The following RASGRP3 variants were observed in gnomAD, a reference collection of about 807,000 sequenced individuals.
RASGRP3 encodes ras guanyl-releasing protein 3.
A neutral mutation model predicts 82.7 loss-of-function variants in RASGRP3; 54 were observed. That is an observed-to-expected ratio of 0.65 (90% CI 0.52 to 0.82). RASGRP3 has a LOEUF of 0.82. Ranked by LOEUF, RASGRP3 falls within the 40% of genes least tolerant of loss-of-function variation. The pLI is 0.00. For synonymous variants in RASGRP3, 309 were observed against 300.5 expected, an observed-to-expected ratio of 1.03 and a Z score of -0.29; for missense variants, 861 against 828.9, an observed-to-expected ratio of 1.04 and a Z score of -0.48.
intron 1 of RASGRP3, among the ~76,000 whole-genome samples, chr2:33,488,894 C>CA (rs1668618117): frequency 6.6e-6 from 1 of 151,898 alleles, no homozygotes; most frequent in East Asian, 1.9e-4. Context: ...AATAGCCAGG[C>CA]ATTTGCCTAC....
intron 2 of RASGRP3, chr2:33,458,009 T>C (rs1446045240): frequency 6.6e-6 from 1 of 152,188 alleles, no homozygotes; most frequent in Admixed American, 6.5e-5. Context: ...AGGAGCTATT[T>C]ATAGCAGGTG....
intron 1 of RASGRP3, among the ~76,000 whole-genome samples, chr2:33,497,209 G>T (rs1280630813): frequency 6.6e-6 from 1 of 152,180 alleles, no homozygotes; most frequent in Admixed American, 6.5e-5. Context: ...ATGATTAATA[G>T]TTAAAGGGTG....
rs75866794 is a variant in RASGRP3 at position 33,508,920 on chromosome 2, A to G, written c.-260-2790A>G. Among the ~76,000 whole-genome samples, 860 of 152,276 alleles carry G rather than the reference A, an allele frequency of 5.6e-3. 4 individuals carry two copies. Among genetic ancestry groups the G allele is most frequent in the African/African-American group, 0.02 (823 of 41,548 alleles). On this transcript the variant is annotated intron_variant, in intron 1 of 17. Coordinates refer to ENST00000403687, the MANE Select transcript of RASGRP3 (RefSeq NM_001139488.2). ...TTGTGGCAAATCTCCCCTGCATTCA[A>G]GAAGCAATTATGAGTTTCTATTGTT...
At chr2:33,531,189 A>G (rs1673077954) in intron 10 of RASGRP3, among the ~76,000 whole-genome samples, 1 of 152,244 alleles carries the variant, frequency 6.6e-6, no homozygotes. Flanking sequence ...TGAATCTGCA[A>G]CCAACTTTGC....
chr2:33,557,565 C>T (rs1257558878), intron 15 of RASGRP3, among the ~76,000 whole-genome samples: 1 of 152,060 alleles, frequency 6.6e-6, no homozygotes, highest in Admixed American at 6.6e-5. Context: ...AAAAAATTAG[C>T]CAGGTGTGGT....
chr2:33,505,299 A>AC (rs1670257981), intron 1 of RASGRP3, among the ~76,000 whole-genome samples: 1 of 142,716 alleles, frequency 7.0e-6, no homozygotes, highest in East Asian at 2.0e-4. Flanking sequence ...CGCAGACAGG[A>AC]TTTTTTTTTT....
At chr2:33,465,026 A>G (rs1666610343) in intron 2 of RASGRP3, among the ~76,000 whole-genome samples, 2 of 152,184 alleles carry the variant, frequency 1.3e-5, no homozygotes, top group South Asian at 2.1e-4. Context: ...CAATTTTCTT[A>G]CTTTAGATCA....
At chr2:33,439,688 TGA>T (rs1374139628) in intron 1 of RASGRP3, among the ~76,000 whole-genome samples, 1 of 152,094 alleles carries the variant, frequency 6.6e-6, no homozygotes, top group Admixed American at 6.6e-5. Flanking sequence ...TCAAGGGAAC[TGA>T]GAGTCAGCCA....
intron 1 of RASGRP3, 23 bp from the exon 2 acceptor site, chr2:33,511,687 G>A (rs550616881): frequency 2.6e-5 from 4 of 152,662 alleles, no homozygotes; most frequent in African/African-American, 9.6e-5. Context: ...CTATATGGGG[G>A]TTTCTTTCTG....
intron 1 of RASGRP3, among the ~76,000 whole-genome samples, chr2:33,507,499 A>G (rs1450318475): frequency 6.6e-6 from 1 of 152,130 alleles, no homozygotes; most frequent in Non-Finnish European, 1.5e-5. Context: ...ACCAGAATGT[A>G]ATATTTTGGA....
At chr2:33,522,144 C>T (rs1239970651) in intron 7 of RASGRP3, 42 bp downstream of exon 7, 4 of 1,566,170 alleles carry the variant, frequency 2.6e-6, no homozygotes, top group Non-Finnish European at 3.5e-6. Flanking sequence ...TAACAACCAC[C>T]ATGCCAACTT....
intron 2 of RASGRP3, among the ~76,000 whole-genome samples, chr2:33,456,693 C>G (rs1048858057): frequency 6.6e-6 from 1 of 152,110 alleles, no homozygotes; most frequent in Non-Finnish European, 1.5e-5. Flanking sequence ...TTTATATACC[C>G]ATGAGAGAAT....
intron 1 of RASGRP3, among the ~76,000 whole-genome samples, chr2:33,480,376 A>T (rs113214703): frequency 0.028 from 4,279 of 152,208 alleles, 80 homozygotes; most frequent in Non-Finnish European, 0.041. Context: ...CTTTAATTCC[A>T]CCTGCCTGCT....
chr2:33,520,137 A>T (rs1671884597), intron 5 of RASGRP3, 123 bp downstream of exon 5: 5 of 788,712 alleles, frequency 6.3e-6, no homozygotes, highest in Non-Finnish European at 1.0e-5. Flanking sequence ...CCTCCCACCA[A>T]CTTTGTTAAA....
intron 2 of RASGRP3, among the ~76,000 whole-genome samples, chr2:33,471,578 G>T (rs1574272852): frequency 6.6e-6 from 1 of 151,702 alleles, no homozygotes; most frequent in African/African-American, 2.4e-5. Flanking sequence ...TTAAGACAGG[G>T]TATTATGTTA....
chr2:33,456,922 G>C (rs912068216), intron 2 of RASGRP3, among the ~76,000 whole-genome samples: 1 of 39,952 alleles, frequency 2.5e-5, no homozygotes, highest in African/African-American at 1.2e-4. Flanking sequence ...TTTTTTTTTT[G>C]AGATGGAGTC....
At chr2:33,439,673 A>G (rs1665115789) in intron 1 of RASGRP3, among the ~76,000 whole-genome samples, 1 of 152,112 alleles carries the variant, frequency 6.6e-6, no homozygotes, top group African/African-American at 2.4e-5. Context: ...AAATCTGGCA[A>G]CTCTTCAAGG....
chr2:33,549,862 G>T (rs1675201449), intron 14 of RASGRP3, 111 bp downstream of exon 14: 1 of 1,281,666 alleles, frequency 7.8e-7, no homozygotes, highest in South Asian at 1.7e-5. Flanking sequence ...TGAATCAGAA[G>T]TAAAATGTGA....
At chr2:33,475,585 T>G (rs1234822346), upstream of RASGRP3, among the ~76,000 whole-genome samples, 1 of 152,152 alleles carries the variant, frequency 6.6e-6, no homozygotes, top group Non-Finnish European at 1.5e-5. Flanking sequence ...TATCTCTACC[T>G]GAAGGGCAGG....
Sources: allele counts gnomAD v4.1 joint callset (sites outside exome capture counted in the v4.1 genomes callset), GRCh38; gene constraint gnomAD v4.1.1; transcripts MANE v1.5; gene names NCBI Gene and HGNC (gene_info 2026-07-23, HGNC 2026-07-21).